The following MYZAP variants were observed in gnomAD, a reference collection of about 807,000 sequenced individuals.
MYZAP encodes the protein myocardial zonula adherens protein.
Under a neutral mutation model 69.4 loss-of-function variants are expected in MYZAP, and 66 were observed. The observed-to-expected ratio is 0.95, with a 90% confidence interval of 0.78 to 1.17. The LOEUF is 1.17. MYZAP is among the 50% of genes most tolerant of loss of function. The pLI, the probability that MYZAP is intolerant of heterozygous loss-of-function variation, is 0.00. For synonymous variants in MYZAP, 256 were observed against 205.9 expected (o/e 1.24, Z -2.09); for missense variants, 611 against 556.2 (o/e 1.10, Z -0.99).
At chr15:57,596,880 C>T (rs771609185) in intron 1 of MYZAP, among the ~76,000 whole-genome samples, 11 of 152,346 alleles carry the variant, frequency 7.2e-5, no homozygotes, top group Non-Finnish European at 8.8e-5. Context: ...CCCTCCTTCT[C>T]GTGTTCCCCT....
intron 10 of MYZAP, among the ~76,000 whole-genome samples, chr15:57,660,693 A>G (rs529970587): frequency 1.3e-5 from 2 of 152,332 alleles, no homozygotes; most frequent in African/African-American, 4.8e-5. Context: ...TGTGTTATTA[A>G]TGATCCTGCA....
chr15:57,667,920 A>G (rs1056411275), intron 11 of MYZAP, among the ~76,000 whole-genome samples: 1 of 152,174 alleles, frequency 6.6e-6, no homozygotes, highest in Non-Finnish European at 1.5e-5. Context: ...CCAGCTTTCC[A>G]TTCATCCCTA....
intron 11 of MYZAP, among the ~76,000 whole-genome samples, chr15:57,671,048 G>A (rs746094754): frequency 2.6e-5 from 4 of 152,064 alleles, no homozygotes; most frequent in African/African-American, 4.8e-5. Flanking sequence ...ATTTCTGAAG[G>A]TCTGAGTTTC....
intron 10 of MYZAP, among the ~76,000 whole-genome samples, chr15:57,642,340 C>T (rs184208969): frequency 2.0e-5 from 3 of 152,142 alleles, no homozygotes; most frequent in Non-Finnish European, 2.9e-5. Flanking sequence ...TCAGCAAAGT[C>T]GTAACTAAAT....
intron 5 of MYZAP, among the ~76,000 whole-genome samples, chr15:57,628,703 G>T (rs1428548690): frequency 6.6e-6 from 1 of 152,204 alleles, no homozygotes; most frequent in Non-Finnish European, 1.5e-5. Flanking sequence ...GGAGGAAGGT[G>T]AAATGTTTGC....
rs191691994 is a variant in MYZAP at position 57,678,720 on chromosome 15, G to A, written c.1304+3652G>A. Among the ~76,000 whole-genome samples, 6 of 152,286 alleles carry A rather than the reference G, an allele frequency of 3.9e-5. No individual in the cohort carries two copies. The East Asian group carries it at 9.7e-4, about 25-fold the overall frequency. On this transcript the variant is annotated intron_variant, in intron 12 of 12. Transcript: ENST00000267853. ...GGTCTCTGTCAGCTAAGACCTGAGAGTGGCCCCTGCGTGCTGTAGGCATGG... is the reference window on the plus strand; with the variant it reads ...GGTCTCTGTCAGCTAAGACCTGAGAATGGCCCCTGCGTGCTGTAGGCATGG...
At chr15:57,606,642 T>A (rs1206735537) in intron 2 of MYZAP, among the ~76,000 whole-genome samples, 1 of 151,900 alleles carries the variant, frequency 6.6e-6, no homozygotes, top group South Asian at 2.1e-4. Context: ...GACGAATTAA[T>A]GGGTGCAGCG....
intron 11 of MYZAP, among the ~76,000 whole-genome samples, chr15:57,667,454 G>A (rs1427443685): frequency 6.6e-6 from 1 of 152,188 alleles, no homozygotes; most frequent in African/African-American, 2.4e-5. Context: ...CAAGGGGGTG[G>A]TGTTTGAAAG....
chr15:57,626,076 G>C (rs1267336803), intron 5 of MYZAP, among the ~76,000 whole-genome samples, 184 bp downstream of exon 5: 1 of 152,238 alleles, frequency 6.6e-6, no homozygotes, highest in African/African-American at 2.4e-5. Context: ...TTTCCAAGCT[G>C]AGACTCTAAG....
chr15:57,617,935 C>T (rs2035575613), intron 2 of MYZAP, 98 bp from the exon 3 acceptor site: 3 of 1,449,910 alleles, frequency 2.1e-6, no homozygotes, highest in East Asian at 4.8e-5. Flanking sequence ...GAGTGCTGGG[C>T]ACAATTTGCA....
chr15:57,600,632 C>G (rs1454929276), intron 1 of MYZAP, among the ~76,000 whole-genome samples: 1 of 152,112 alleles, frequency 6.6e-6, no homozygotes, highest in Non-Finnish European at 1.5e-5. Context: ...AAGGATTACC[C>G]CTCTAAAATA....
chr15:57,633,881 T>A, intron 8 of MYZAP, 140 bp downstream of exon 8: 4 of 1,093,376 alleles, frequency 3.7e-6, no homozygotes, highest in Non-Finnish European at 4.8e-6. Flanking sequence ...AGCTATAAAA[T>A]AAAGTATAAG....
chr15:57,652,863 G>A (rs1362251628), intron 10 of MYZAP, among the ~76,000 whole-genome samples: 3 of 152,112 alleles, frequency 2.0e-5, no homozygotes, highest in Non-Finnish European at 2.9e-5. Flanking sequence ...TTCAAATAAC[G>A]TGATGGCATA....
At chr15:57,663,763 C>T (rs1201079439) in intron 11 of MYZAP, among the ~76,000 whole-genome samples, 2 of 152,032 alleles carry the variant, frequency 1.3e-5, no homozygotes, top group Non-Finnish European at 2.9e-5. Context: ...GAGGATGTAG[C>T]GGGGTGGGTG....
In MYZAP at chr15:57,668,894, ATTTT is replaced by A. The variant is rs869270863; in HGVS notation, c.1204-6064_1204-6061del. ...TGAAGATATATATATATATATATAT[ATTTT>A]TTTTTTTTTGCAATGGGGTCTTGCA... is the stretch of plus-strand genomic sequence containing the variant. On this transcript the variant is annotated intron_variant, in intron 11 of 12. Coordinates refer to ENST00000267853, the MANE Select transcript of MYZAP (RefSeq NM_001018100.5). 2.3e-3 allele frequency among the ~76,000 whole-genome samples: 144 copies of A among 62,602 alleles called. 1 individual carries two copies. Among genetic ancestry groups the A allele is most frequent in the Non-Finnish European group, 3.8e-3 (88 of 23,296 alleles). The allele number at this position is 62,602 out of a possible 152,430, so 41.1% of individuals were successfully genotyped here. A position where few individuals can be genotyped will look rare whatever the true frequency, so the allele number is the denominator to read the frequency against.
intron 12 of MYZAP, among the ~76,000 whole-genome samples, chr15:57,684,170 C>G (rs542559035): frequency 6.6e-6 from 1 of 152,248 alleles, no homozygotes; most frequent in Non-Finnish European, 1.5e-5. Flanking sequence ...CCCAAAGTCC[C>G]CACCTCCTAA....
At chr15:57,653,269 T>C (rs564738890) in intron 10 of MYZAP, among the ~76,000 whole-genome samples, 2 of 152,312 alleles carry the variant, frequency 1.3e-5, no homozygotes, top group African/African-American at 2.4e-5. Context: ...AAAATGTTTA[T>C]TGCAGGGGAA....
Position 57,621,638 on chromosome 15 carries a change from C to G in MYZAP, c.349C>G (p.Arg117Gly). ...VRATLEKVRK[R>G]MYGDYDEMRQ... is the part of the protein sequence containing the mutation. The stretch of plus-strand genomic sequence containing the variant: ...AGCCACTTTGGAAAAGGTGAGAAAG[C>G]GAATGTATGGAGACTATGATGAGAT... The change falls in exon 4 of 13, where the codon CGA becomes GGA. Residue 117 changes from arginine to glycine, a missense_variant. Physicochemically the swap from Arg to Gly is moderately radical, Grantham distance 125 (BLOSUM62 -2). Coordinates refer to ENST00000267853, the MANE Select transcript of MYZAP (RefSeq NM_001018100.5). 6.2e-7 allele frequency: 1 copy of G among 1,613,508 alleles called. No homozygotes were observed. The highest frequency in any genetic ancestry group is 2.2e-5 in the East Asian group (1 of 44,852).
chr15:57,684,342 A>C, intron 12 of MYZAP, 60 bp from the exon 13 acceptor site: 1 of 1,058,394 alleles, frequency 9.4e-7, no homozygotes. Flanking sequence ...TTACCATGTG[A>C]AGCATATGGG....
Sources: gnomAD v4.1 joint callset for allele counts (sites outside exome capture counted in the v4.1 genomes callset) on GRCh38, gnomAD v4.1.1 for gene constraint, MANE v1.5 for transcripts, NCBI Gene and HGNC (gene_info 2026-07-23, HGNC 2026-07-21) for gene names.